BPIFB2: variants seen among roughly 807,000 people sequenced by gnomAD.
The protein encoded by BPIFB2 is BPI fold containing family B member 2.
BPIFB2 carries 39 observed loss-of-function variants against 50.1 expected under a neutral mutation model. That is an observed-to-expected ratio of 0.78 (90% CI 0.60 to 1.02). BPIFB2 has a LOEUF of 1.02. BPIFB2 is among the 50% of genes least tolerant of loss of function. BPIFB2 has a pLI of 0.00. For missense variants in BPIFB2, 574 were observed against 585.8 expected (o/e 0.98, Z 0.21); for synonymous variants, 280 against 256.3 (o/e 1.09, Z -0.88).
chr20:33,019,625 C>T lies in BPIFB2; in HGVS notation c.955C>T (p.Arg319Trp), dbSNP rs370044943. ...GCCCATGCCTGTGGTGCTCAAGGTG[C>T]GGCTGGGTGCCACACCTGTGGCCAT... ...PEPMPVVLKV[R>W]LGATPVAMLH... The change falls in exon 11 of 16, where the codon CGG becomes TGG. Residue 319 changes from arginine (R) to tryptophan (W), a missense_variant. Transcript: ENST00000170150. 51 of 1,609,930 alleles carry T rather than the reference C, an allele frequency of 3.2e-5. No individual in the cohort carries two copies. The highest frequency in any genetic ancestry group is 1.8e-4 in the South Asian group (16 of 90,434).
rs1448113178 is a variant in BPIFB2 at position 33,011,116 on chromosome 20, A to T, written c.202A>T (p.Arg68Trp). 6.2e-7 allele frequency: 1 copy of T among 1,613,262 alleles called. No individual in the cohort carries two copies. Among genetic ancestry groups the T allele is most frequent in the African/African-American group, 1.3e-5 (1 of 74,904 alleles). Reference sequence around the variant, plus strand: ...GAGTGGAGAGGCGCTTCAGCCCACCAGGTGAGTGCTCCCCTCCTCCAGAGA... The same window carrying T: ...GAGTGGAGAGGCGCTTCAGCCCACCTGGTGAGTGCTCCCCTCCTCCAGAGA... ...DWSGEALQPT[R>W]IRILNVHVPR... The change falls in exon 3 of 16, where the codon AGG becomes TGG. Residue 68 changes from arginine to tryptophan, a missense_variant and splice_region_variant. By Grantham distance (101) the Arg-to-Trp change is moderately radical. Coordinates refer to ENST00000170150, the MANE Select transcript of BPIFB2 (RefSeq NM_025227.3).
At position 33,023,637 on chromosome 20, in the gene BPIFB2, A is replaced by T. The variant is rs1451162283; in HGVS notation, c.*254A>T. ...CTTCCTCTGCCCCACCCCAGCGGGG[A>T]GCAGACTGCTCCTCCAGGCTGTATA... On this transcript the variant is annotated 3_prime_UTR_variant, in exon 16 of 16. Coordinates refer to ENST00000170150, the MANE Select transcript of BPIFB2 (RefSeq NM_025227.3). The T allele has an allele frequency of 3.4e-6, 2 of 579,896 alleles. No homozygotes were observed. The highest frequency in any genetic ancestry group is 5.8e-5 in the East Asian group (2 of 34,448). The allele number at this position is 579,896 out of a possible 1,614,324, so 35.9% of individuals were successfully genotyped here. A position where few individuals can be genotyped will look rare whatever the true frequency, so the allele number is the denominator to read the frequency against.
At chr20:33,019,342 C>T (rs145274342) in intron 10 of BPIFB2, among the ~76,000 whole-genome samples, 1 of 152,260 alleles carries the variant, frequency 6.6e-6, no homozygotes, top group African/African-American at 2.4e-5. Context: ...TGTCTTTCTC[C>T]TCCCTTTCCC....
chr20:33,014,791 T>C (rs1600512691), intron 5 of BPIFB2, among the ~76,000 whole-genome samples: 1 of 152,316 alleles, frequency 6.6e-6, no homozygotes, highest in Non-Finnish European at 1.5e-5. Flanking sequence ...CACGTGTGAC[T>C]CACGACCCCT....
intron 3 of BPIFB2, among the ~76,000 whole-genome samples, chr20:33,011,570 G>T (rs975423241): frequency 6.6e-6 from 1 of 152,214 alleles, no homozygotes; most frequent in Admixed American, 6.5e-5. Context: ...CCCTGGGCTG[G>T]TCAACAGTCA....
intron 9 of BPIFB2, 83 bp from the exon 10 acceptor site, chr20:33,018,979 G>A (rs1162047470): frequency 6.3e-7 from 1 of 1,595,684 alleles, no homozygotes; most frequent in African/African-American, 1.3e-5. Context: ...GCTATGGGGA[G>A]CGATTGCTCA....
Position 33,019,512 on chromosome 20 carries a change from G to A in BPIFB2, c.910-68G>A, listed in dbSNP as rs543308217. On this transcript the variant is annotated intron_variant, in intron 10 of 15. Transcript: ENST00000170150. ...CCATGGTGGCCCAATCAGCATTTGA[G>A]GAGTGACTGACCAGAGAGCCCGCCA... 4.2e-5 allele frequency: 62 copies of A among 1,476,254 alleles called. No individual in the cohort carries two copies. The East Asian group carries it at 1.4e-3, about 32-fold the overall frequency. The allele number at this position is 1,476,254 out of a possible 1,614,324, so 91.4% of individuals were successfully genotyped here.
chr20:33,018,787 G>T lies in BPIFB2; in HGVS notation c.820G>T (p.Ala274Ser). The T allele has an allele frequency of 6.2e-7, 1 of 1,613,758 alleles. No individual in the cohort carries two copies. The highest frequency in any genetic ancestry group is 8.5e-7 in the Non-Finnish European group (1 of 1,179,896). The change falls in exon 9 of 16, where the codon GCC (alanine) becomes TCC (serine). Residue 274 changes from alanine to serine, a missense_variant. Physicochemically the swap from Ala to Ser is moderately conservative, Grantham distance 99. Transcript: ENST00000170150. ...CTCTGCGCTCCTGCTGCTGCAGAAG[G>T]CCGGTGCCCTCAACCTGGACATCAC... ...FDSALLLLQK[A>S]GALNLDITGQ... is the part of the protein sequence containing the mutation.
intron 12 of BPIFB2, 56 bp downstream of exon 12, chr20:33,020,451 C>G (rs1285388620): frequency 3.1e-6 from 5 of 1,602,440 alleles, no homozygotes; most frequent in Non-Finnish European, 4.3e-6. Flanking sequence ...TGCCATGGGT[C>G]CATCACCACC....
In BPIFB2 at chr20:33,015,455, G is replaced by C; in HGVS notation, c.475G>C (p.Val159Leu). 1 of 1,613,802 alleles carries C rather than the reference G, an allele frequency of 6.2e-7. No homozygotes were observed. Among genetic ancestry groups the C allele is most frequent in the Middle Eastern group, 1.7e-4 (1 of 6,010 alleles). Reference sequence around the variant, plus strand: ...CCTCAGCACCTCCCACGCGCTGCTGGTCCTGGTGCAGAAGCACATTAAAGC... The same window carrying C: ...CCTCAGCACCTCCCACGCGCTGCTGCTCCTGGTGCAGAAGCACATTAAAGC... ...GSNSTSHALL[V>L]LVQKHIKAVL... Residue 159 changes from valine to leucine, a missense_variant, in exon 6 of 16, where the codon GTC (valine) becomes CTC (leucine). Transcript: ENST00000170150.
At chr20:33,021,699 T>C (rs755950987) in intron 14 of BPIFB2, 24 bp from the exon 15 acceptor site, 1 of 1,611,844 alleles carries the variant, frequency 6.2e-7, no homozygotes, top group South Asian at 1.1e-5. Flanking sequence ...CAGGGGACGA[T>C]CCTTTCTTCT....
chr20:33,017,149 C>A (rs1404435692), intron 7 of BPIFB2, 47 bp downstream of exon 7: 1 of 1,579,040 alleles, frequency 6.3e-7, no homozygotes, highest in Non-Finnish European at 8.7e-7. Flanking sequence ...CTGGGACCCC[C>A]TGGAGCCCCT....
intron 15 of BPIFB2, among the ~76,000 whole-genome samples, chr20:33,022,912 T>C (rs371126528): frequency 1.1e-4 from 17 of 152,238 alleles, no homozygotes; most frequent in African/African-American, 4.1e-4. Context: ...TGGCTTATAG[T>C]AGAGGCTTGA....
intron 4 of BPIFB2, 76 bp downstream of exon 4, chr20:33,012,983 T>C (rs1990310340): frequency 7.4e-6 from 9 of 1,220,644 alleles, no homozygotes; most frequent in African/African-American, 4.5e-5. Flanking sequence ...GGACGGGGGG[T>C]AGCAACTCCT....
At position 33,017,085 on chromosome 20, in the gene BPIFB2, A is replaced by C; in HGVS notation, c.560A>C (p.His187Pro). 3.7e-6 allele frequency: 6 copies of C among 1,613,990 alleles called. No homozygotes were observed. The highest frequency in any genetic ancestry group is 5.1e-6 in the Non-Finnish European group (6 of 1,179,978). Residue 187 changes from histidine (H) to proline (P), a missense_variant, in exon 7 of 16, where the codon CAC becomes CCC. His to Pro is a moderately conservative substitution (Grantham distance 77). Transcript: ENST00000170150. ...ISNLVQGVNV[H>P]LGTLIGLNPV... is the part of the protein sequence containing the mutation. ...AACCTGGTGCAGGGTGTCAATGTCC[A>C]CCTGGGCACCTTAATTGGTAAGATC...
At chr20:33,007,935 C>T (rs966436143) in intron 1 of BPIFB2, among the ~76,000 whole-genome samples, 175 bp downstream of exon 1, 1 of 152,252 alleles carries the variant, frequency 6.6e-6, no homozygotes, top group Admixed American at 6.5e-5. Context: ...ACCTGAGCCG[C>T]AGTCCCTCAC....
At chr20:33,018,451 G>A (rs941666672) in intron 8 of BPIFB2, 101 bp downstream of exon 8, 17 of 1,318,096 alleles carry the variant, frequency 1.3e-5, no homozygotes, top group Non-Finnish European at 1.7e-5. Flanking sequence ...GGAAAGGAGA[G>A]GAGGAGCTGG....
chr20:33,020,839 G>T (rs1246225582), intron 13 of BPIFB2, among the ~76,000 whole-genome samples: 4 of 152,216 alleles, frequency 2.6e-5, no homozygotes, highest in African/African-American at 9.6e-5. Context: ...AATGTCAGCT[G>T]TCCCTTCAGC....
intron 5 of BPIFB2, 32 bp from the exon 6 acceptor site, chr20:33,015,404 G>A (rs757454983): frequency 1.4e-5 from 23 of 1,592,376 alleles, no homozygotes; most frequent in Non-Finnish European, 2.0e-5. Context: ...ATGTTTGGGA[G>A]CCCAGGAACT....
Sources: gnomAD v4.1 joint callset for allele counts (sites outside exome capture counted in the v4.1 genomes callset) on GRCh38, gnomAD v4.1.1 for gene constraint, MANE v1.5 for transcripts, NCBI Gene and HGNC (gene_info 2026-07-23, HGNC 2026-07-21) for gene names.